The following CRISP1 variants were observed in gnomAD, a reference collection of about 807,000 sequenced individuals.
The protein encoded by CRISP1 is cysteine rich secretory protein 1.
A neutral mutation model predicts 33.1 loss-of-function variants in CRISP1; 44 were observed. The ratio of observed to expected loss-of-function variants is 1.33; its 90% confidence interval spans 1.05 to 1.71. The LOEUF is 1.71. CRISP1 is among the 40% of genes most tolerant of loss of function. CRISP1 has a pLI of 0.00. For synonymous variants in CRISP1, 103 were observed against 98.7 expected, an observed-to-expected ratio of 1.04 and a Z score of -0.26; for missense variants, 390 against 301.2, an observed-to-expected ratio of 1.29 and a Z score of -2.18.
chr6:49,865,449 A>C (rs1771776068), intron 1 of CRISP1, among the ~76,000 whole-genome samples: 1 of 152,204 alleles, frequency 6.6e-6, no homozygotes, highest in South Asian at 2.1e-4. Flanking sequence ...TTTGATGATT[A>C]TCTGATATTA....
At chr6:49,872,871 C>T (rs1771957366) in intron 1 of CRISP1, among the ~76,000 whole-genome samples, 1 of 152,048 alleles carries the variant, frequency 6.6e-6, no homozygotes. Context: ...TTAGGATTGG[C>T]TTGGCAATGC....
chr6:49,875,999 T>C (rs1384203626), intron 1 of CRISP1, among the ~76,000 whole-genome samples: 1 of 152,070 alleles, frequency 6.6e-6, no homozygotes, highest in Non-Finnish European at 1.5e-5. Flanking sequence ...AAAGATGTCA[T>C]GACGAAAATG....
At position 49,865,790 on chromosome 6, in the gene CRISP1, C is replaced by T. The variant is rs549098980; in HGVS notation, c.-3+639G>A. Among the ~76,000 whole-genome samples the T allele has an allele frequency of 4.6e-5, 7 of 152,148 alleles. No homozygotes were observed. In the South Asian group the frequency reaches 1.2e-3, roughly 27 times the overall value. ...ACAAGTCCAAGACCTAGCATGAAGA[C>T]CCTGGAGACTTGAAACAAGGGTGGA... On this transcript the variant is annotated intron_variant, in intron 1 of 7. Coordinates refer to ENST00000335847, the MANE Select transcript of CRISP1 (RefSeq NM_001131.3).
At chr6:49,839,773 G>A (rs1770923748) in intron 6 of CRISP1, among the ~76,000 whole-genome samples, 1 of 152,118 alleles carries the variant, frequency 6.6e-6, no homozygotes, top group South Asian at 2.1e-4. Context: ...TTGAAAACAT[G>A]TATCACAAAT....
chr6:49,875,782 A>G (rs1325354402), intron 1 of CRISP1, among the ~76,000 whole-genome samples: 1 of 152,184 alleles, frequency 6.6e-6, no homozygotes, highest in Non-Finnish European at 1.5e-5. Context: ...AAACCTGACA[A>G]AAACAAGCGA....
chr6:49,854,300 T>G (rs1427144132), intron 2 of CRISP1, among the ~76,000 whole-genome samples: 1 of 152,226 alleles, frequency 6.6e-6, no homozygotes, highest in Non-Finnish European at 1.5e-5. Context: ...TATTTACTTT[T>G]CATTTTGTTT....
chr6:49,839,619 AAAG>A (rs1286546041), intron 6 of CRISP1, among the ~76,000 whole-genome samples: 2 of 152,210 alleles, frequency 1.3e-5, no homozygotes, highest in African/African-American at 2.4e-5. Context: ...TTCACTTTGA[AAAG>A]AAGATTATTA....
In CRISP1 at chr6:49,838,490, T is replaced by G. The variant is rs1770877817; in HGVS notation, c.569A>C (p.Lys190Thr). The change falls in exon 7 of 8, where the codon AAG (lysine) becomes ACG (threonine). Residue 190 changes from lysine to threonine, a missense_variant. Physicochemically the swap from Lys to Thr is moderately conservative, Grantham distance 78. Transcript: ENST00000335847. ...GCAGGCTTCACATGGGACGCCTGTCTTATAAGGTTCATTCTTTGTTTCAGG... is the reference window on the plus strand; with the variant it reads ...GCAGGCTTCACATGGGACGCCTGTCGTATAAGGTTCATTCTTTGTTTCAGG... The part of the protein sequence containing the change: ...NDPETKNEPY[K>T]TGVPCEACPS... 6.2e-7 allele frequency: 1 copy of G among 1,613,454 alleles called. No homozygotes were observed. Among genetic ancestry groups the G allele is most frequent in the Non-Finnish European group, 8.5e-7 (1 of 1,179,678 alleles).
intron 2 of CRISP1, 149 bp from the exon 3 acceptor site, chr6:49,852,278 G>C: frequency 1.4e-6 from 1 of 692,476 alleles, no homozygotes; most frequent in Non-Finnish European, 2.3e-6. Flanking sequence ...CATTATATTG[G>C]ATTCCATTTC....
intron 1 of CRISP1, among the ~76,000 whole-genome samples, chr6:49,872,428 G>T (rs918118503): frequency 6.6e-5 from 10 of 151,986 alleles, no homozygotes; most frequent in Non-Finnish European, 8.8e-5. Flanking sequence ...GTCAATTTTG[G>T]CTTTTGTTGC....
At chr6:49,851,915 C>G in intron 3 of CRISP1, 86 bp downstream of exon 3, 4 of 1,460,070 alleles carry the variant, frequency 2.7e-6, no homozygotes, top group Middle Eastern at 3.8e-4. Context: ...ACTTTTAGCA[C>G]TTTGAAAGTG....
At position 49,866,472 on chromosome 6, in the gene CRISP1, A is replaced by G. The variant is rs1488354216; in HGVS notation, c.-46T>C. On this transcript the variant is annotated 5_prime_UTR_variant, in exon 1 of 8. Transcript: ENST00000335847. ...TAAATTTGTGTCCTGATAAGAACCAAGCCTTTCTCTATGTAGTGTATTTGT... is the reference window on the plus strand; with the variant it reads ...TAAATTTGTGTCCTGATAAGAACCAGGCCTTTCTCTATGTAGTGTATTTGT... The G allele has an allele frequency of 6.6e-6, 1 of 152,164 alleles. No homozygotes were observed. Among genetic ancestry groups the G allele is most frequent in the African/African-American group, 2.4e-5 (1 of 41,442 alleles). The allele number at this position is 152,164 out of a possible 1,614,324, so 9.4% of individuals were successfully genotyped here.
intron 5 of CRISP1, among the ~76,000 whole-genome samples, chr6:49,845,339 G>T (rs1015093648): frequency 6.6e-6 from 1 of 152,122 alleles, no homozygotes; most frequent in African/African-American, 2.4e-5. Context: ...GTGAGAAGGT[G>T]TCAGGCAGAA....
At chr6:49,843,852 T>C (rs947161134) in intron 5 of CRISP1, among the ~76,000 whole-genome samples, 2 of 152,134 alleles carry the variant, frequency 1.3e-5, no homozygotes, top group African/African-American at 4.8e-5. Context: ...ATGAGGGACA[T>C]GTACTTGGAA....
At chr6:49,838,297 G>A in intron 7 of CRISP1, 140 bp downstream of exon 7, 1 of 648,796 alleles carries the variant, frequency 1.5e-6, no homozygotes, top group Non-Finnish European at 2.7e-6. Flanking sequence ...CAATTGGGGA[G>A]GGGTAAGCAG....
chr6:49,839,538 TTAAAAAG>T lies in CRISP1; in HGVS notation c.534-1020_534-1014del, dbSNP rs1399529693. Among the ~76,000 whole-genome samples the T allele has an allele frequency of 3.9e-5, 6 of 152,218 alleles. No individual in the cohort carries two copies. In the East Asian group the frequency reaches 1.2e-3, roughly 29 times the overall value. On this transcript the variant is annotated intron_variant, in intron 6 of 7. Coordinates refer to ENST00000335847, the MANE Select transcript of CRISP1 (RefSeq NM_001131.3). ...ATAATATCTGCTTCTAAATACAACT[TTAAAAAG>T]TAAATGTTCTGGTTTTAAAAAGCCT...
intron 2 of CRISP1, among the ~76,000 whole-genome samples, chr6:49,856,461 C>G (rs1771500635): frequency 6.6e-6 from 1 of 152,124 alleles, no homozygotes; most frequent in Admixed American, 6.6e-5. Flanking sequence ...TTCCAGCTTA[C>G]TGGAGGATTA....
At chr6:49,838,808 A>C (rs965003819) in intron 6 of CRISP1, among the ~76,000 whole-genome samples, 1 of 152,204 alleles carries the variant, frequency 6.6e-6, no homozygotes, top group Non-Finnish European at 1.5e-5. Context: ...GGGTACTCCC[A>C]AGTACAAGCA....
At chr6:49,868,428 A>G (rs1771848662), upstream of CRISP1, among the ~76,000 whole-genome samples, 1 of 152,174 alleles carries the variant, frequency 6.6e-6, no homozygotes, top group African/African-American at 2.4e-5. Flanking sequence ...ATCTTGAGAG[A>G]TAGATAAAGG....
Sources: allele counts gnomAD v4.1 joint callset (sites outside exome capture counted in the v4.1 genomes callset), GRCh38; gene constraint gnomAD v4.1.1; transcripts MANE v1.5; gene names NCBI Gene and HGNC (gene_info 2026-07-23, HGNC 2026-07-21).